The following EPHB6 variants were observed in gnomAD, a reference collection of about 807,000 sequenced individuals.
The protein encoded by EPHB6 is EPH receptor B6.
In EPHB6, 51 loss-of-function variants were observed where a neutral mutation model predicts 107.0. The ratio of observed to expected loss-of-function variants is 0.48; its 90% CI spans 0.38 to 0.60. The LOEUF (loss-of-function observed/expected upper bound fraction) is 0.60. Ranked by LOEUF, EPHB6 falls within the 20% of genes least tolerant of loss-of-function variation. The pLI is 0.00. For synonymous variants in EPHB6, 553 were observed against 549.0 expected (o/e 1.01, Z -0.10); for missense variants, 1,141 against 1,355.5 (o/e 0.84, Z 2.48).
chr7:142,870,932 G>C lies in EPHB6; in HGVS notation c.*28G>C. On this transcript the variant is annotated 3_prime_UTR_variant, in exon 20 of 20. Transcript: ENST00000652003. The stretch of plus-strand genomic sequence containing the variant: ...ATGACGATACCCGTGACTCAGCCCT[G>C]GACACTGGTCCGAGAAGGGACATGT... 1 of 1,597,830 alleles carries C rather than the reference G, an allele frequency of 6.3e-7. No homozygotes were observed. The highest frequency in any genetic ancestry group is 8.5e-7 in the Non-Finnish European group (1 of 1,172,126).
At position 142,867,143 on chromosome 7, in the gene EPHB6, G is replaced by C; in HGVS notation, c.1750+75G>C. The C allele has an allele frequency of 6.5e-7, 1 of 1,539,030 alleles. No homozygotes were observed. Among genetic ancestry groups the C allele is most frequent in the African/African-American group, 1.4e-5 (1 of 73,162 alleles). On this transcript the variant is annotated intron_variant, in intron 11 of 19. Coordinates refer to ENST00000652003, the MANE Select transcript of EPHB6 (RefSeq NM_004445.6). The surrounding 1 kb of genome is among the most constrained non-coding windows in gnomAD (Gnocchi z 5.3). The stretch of plus-strand genomic sequence containing the variant: ...GTGAGGAGAGGCCCAGGGACTGTCC[G>C]GCCTTGAACCCTGGCCCCGTGCTTC...
rs1330330459 is a variant in EPHB6 at position 142,863,212 on chromosome 7, G to A, written c.-16G>A. ...GGTGGTGGCTGGGGCGATGGTGGAC[G>A]CCCTGAAGATGTCCCATGGCTACTG... On this transcript the variant is annotated 5_prime_UTR_variant, in exon 5 of 20. Coordinates refer to ENST00000652003, the MANE Select transcript of EPHB6 (RefSeq NM_004445.6). 1.6e-5 allele frequency: 25 copies of A among 1,612,586 alleles called. No homozygotes were observed. The highest frequency in any genetic ancestry group is 2.2e-5 in the East Asian group (1 of 44,878).
Position 142,866,779 on chromosome 7 carries a change from C to T in EPHB6, c.1588-127C>T. The T allele has an allele frequency of 6.3e-7, 1 of 1,583,264 alleles. No individual in the cohort carries two copies. On this transcript the variant is annotated intron_variant, in intron 10 of 19. Transcript: ENST00000652003. The surrounding 1 kb of genome is among the most constrained non-coding windows in gnomAD (Gnocchi z 5.2). ...AGGCTGAATGGGCAAGGAGAGGTGC[C>T]CAGAAGTGTGCAGCACTGGGCATGT...
At position 142,868,583 on chromosome 7, in the gene EPHB6, C is replaced by T. The variant is rs117493419; in HGVS notation, c.2130C>T (p.Ala710=). The T allele has an allele frequency of 8.0e-5, 129 of 1,613,440 alleles. No individual in the cohort carries two copies. The highest frequency in any genetic ancestry group is 3.3e-4 in the Middle Eastern group (2 of 6,062). Residue 710 remains alanine, a synonymous_variant, in exon 15 of 20, where the codon GCC becomes GCT. Coordinates refer to ENST00000652003, the MANE Select transcript of EPHB6 (RefSeq NM_004445.6). The surrounding 1 kb of genome is among the most constrained non-coding windows in gnomAD (Gnocchi z 4.2). ...VAIQALWAGG[A]ESLQMTFLGR... The stretch of plus-strand genomic sequence containing the variant: ...TCCAGGCCCTGTGGGCCGGGGGCGC[C>T]GAAAGCCTGCAGATGACCTTCCTGG...
Position 142,869,185 on chromosome 7 carries a change from G to T in EPHB6, c.2460+38G>T. 6.2e-7 allele frequency: 1 copy of T among 1,602,130 alleles called. No individual in the cohort carries two copies. Among genetic ancestry groups the T allele is most frequent in the Non-Finnish European group, 8.5e-7 (1 of 1,173,112 alleles). ...CCTTGGGGACACAGCCTGGGGCCTT[G>T]TGGCATGCCCCAGCAGGTGCTGGGG... On this transcript the variant is annotated intron_variant, in intron 16 of 19. Coordinates refer to ENST00000652003, the MANE Select transcript of EPHB6 (RefSeq NM_004445.6). This position sits in a 1 kb window ranked among gnomAD's most constrained non-coding sequence, Gnocchi z 4.5.
At position 142,869,848 on chromosome 7, in the gene EPHB6, C is replaced by T; in HGVS notation, c.2492C>T (p.Pro831Leu). 1 of 1,614,206 alleles carries T rather than the reference C, an allele frequency of 6.2e-7. No homozygotes were observed. Among genetic ancestry groups the T allele is most frequent in the Non-Finnish European group, 8.5e-7 (1 of 1,180,038 alleles). ...AGTTGTTTGCTTCGCTGGGCAGCCC[C>T]AGAGGTCATTGCACATGGAAAGCAT... ...GPSCLLRWAA[P>L]EVIAHGKHTT... The change falls in exon 17 of 20, where the codon CCA becomes CTA. Residue 831 changes from proline (P) to leucine (L), a missense_variant. Pro to Leu is a moderately conservative substitution (Grantham distance 98). This residue lies in a region of EPHB6 where 616 missense variants were observed against 759.3 expected (regional missense o/e 0.81). Coordinates refer to ENST00000652003, the MANE Select transcript of EPHB6 (RefSeq NM_004445.6). This position sits in a 1 kb window ranked among gnomAD's most constrained non-coding sequence, Gnocchi z 4.5.
chr7:142,863,811 C>A, intron 6 of EPHB6, 116 bp downstream of exon 6: 1 of 1,473,932 alleles, frequency 6.8e-7, no homozygotes, highest in Non-Finnish European at 9.5e-7. Context: ...AGGATCCCTC[C>A]CTCTAGAGCA....
chr7:142,857,540 T>G (rs1020253718), intron 1 of EPHB6, among the ~76,000 whole-genome samples: 1 of 152,172 alleles, frequency 6.6e-6, no homozygotes, highest in African/African-American at 2.4e-5. Flanking sequence ...TACTGACCCC[T>G]CCCACACTGA....
chr7:142,857,818 G>A (rs1802674908), intron 1 of EPHB6, among the ~76,000 whole-genome samples: 2 of 152,190 alleles, frequency 1.3e-5, no homozygotes, highest in African/African-American at 4.8e-5. Flanking sequence ...TGTCAGCAGC[G>A]GGACAGTTGG....
intron 1 of EPHB6, among the ~76,000 whole-genome samples, chr7:142,858,882 C>T (rs1191973569): frequency 6.6e-6 from 1 of 152,056 alleles, no homozygotes; most frequent in Admixed American, 6.5e-5. Flanking sequence ...GATCTATTGT[C>T]TCTACTGTAT....
chr7:142,862,574 C>A (rs1434698484), intron 3 of EPHB6, among the ~76,000 whole-genome samples, 182 bp from the exon 4 acceptor site: 1 of 152,122 alleles, frequency 6.6e-6, no homozygotes, highest in Non-Finnish European at 1.5e-5. Context: ...TCCCATCATA[C>A]CCCACAGCCA....
chr7:142,858,611 T>TTTG (rs1252150257), intron 1 of EPHB6, among the ~76,000 whole-genome samples: 20 of 148,804 alleles, frequency 1.3e-4, no homozygotes, highest in Non-Finnish European at 2.8e-4. Flanking sequence ...AATTTTTTTT[T>TTTG]TTTTTTTTGT....
Position 142,868,301 on chromosome 7 carries a change from G to A in EPHB6, c.1979G>A (p.Arg660Gln), listed in dbSNP as rs1563346311. Residue 660 changes from arginine (R) to glutamine (Q), a missense_variant, in exon 14 of 20, where the codon CGA becomes CAA. Physicochemically the swap from Arg to Gln is conservative, Grantham distance 43. Transcript: ENST00000652003. The surrounding 1 kb of genome is among the most constrained non-coding windows in gnomAD (Gnocchi z 4.2). ...TACGAGGACCCCTGTCAGGCCATCC[G>A]AGAACTTGCCCGGGAAGTCGATCCT... ...STYEDPCQAI[R>Q]ELAREVDPAY... The A allele has an allele frequency of 1.1e-5, 18 of 1,614,152 alleles. No homozygotes were observed. The highest frequency in any genetic ancestry group is 1.4e-5 in the Non-Finnish European group (17 of 1,180,016).
Position 142,870,978 on chromosome 7 carries a change from A to G in EPHB6, c.*74A>G. 7.0e-7 allele frequency: 1 copy of G among 1,437,364 alleles called. No homozygotes were observed. Among genetic ancestry groups the G allele is most frequent in the African/African-American group, 1.4e-5 (1 of 70,878 alleles). 89.0% of individuals were successfully genotyped at this position (1,437,364 alleles called of 1,614,324 possible). A position where few individuals can be genotyped will look rare whatever the true frequency, so the allele number is the denominator to read the frequency against. ...CATGTGGGACGTGAGCCGGGCTCCA[A>G]CAGCCTCTGTGAGAGATGCCCCACA... On this transcript the variant is annotated 3_prime_UTR_variant, in exon 20 of 20. Coordinates refer to ENST00000652003, the MANE Select transcript of EPHB6 (RefSeq NM_004445.6).
In EPHB6 at chr7:142,869,965, A is replaced by C. The variant is rs1344011377; in HGVS notation, c.2609A>C (p.Glu870Ala). ...ERPYWDMSEQ[E>A]VLNAIEQEFR... ...CCTTACTGGGACATGAGTGAGCAGG[A>C]GGTGAGCACTGACCTAGACACTGCT... is the stretch of plus-strand genomic sequence containing the variant. Residue 870 changes from glutamate to alanine, a missense_variant and splice_region_variant, in exon 17 of 20, where the codon GAG (glutamate) becomes GCG (alanine). Around this residue, in one of 3 missense-constraint regions of EPHB6, gnomAD observed 616 missense variants for 759.3 expected, o/e 0.81. Coordinates refer to ENST00000652003, the MANE Select transcript of EPHB6 (RefSeq NM_004445.6). This position sits in a 1 kb window ranked among gnomAD's most constrained non-coding sequence, Gnocchi z 4.5. 2 of 1,614,038 alleles carry C rather than the reference A, an allele frequency of 1.2e-6. No individual in the cohort carries two copies. The highest frequency in any genetic ancestry group is 2.7e-5 in the African/African-American group (2 of 74,908).
In EPHB6 at chr7:142,868,881, C is replaced by G; in HGVS notation, c.2287-93C>G. 2 of 1,586,956 alleles carry G rather than the reference C, an allele frequency of 1.3e-6. No individual in the cohort carries two copies. The highest frequency in any genetic ancestry group is 3.5e-5 in the Admixed American group (2 of 57,784). ...CCCAGCCATTTTCTGATTCGACACC[C>G]TCCCGCTCTCATGCTGTTGTCTGCT... On this transcript the variant is annotated intron_variant, in intron 15 of 19. Coordinates refer to ENST00000652003, the MANE Select transcript of EPHB6 (RefSeq NM_004445.6). The surrounding 1 kb of genome is among the most constrained non-coding windows in gnomAD (Gnocchi z 4.2).
chr7:142,869,728 C>A lies in EPHB6; in HGVS notation c.2461-89C>A. ...ATTAAATGAGATGCTTGATGTAAAA[C>A]CCTTGGCATATCTGAGCACATAGTA... On this transcript the variant is annotated intron_variant, in intron 16 of 19. Transcript: ENST00000652003. The surrounding 1 kb of genome is among the most constrained non-coding windows in gnomAD (Gnocchi z 4.5). 2 of 1,459,588 alleles carry A rather than the reference C, an allele frequency of 1.4e-6. No individual in the cohort carries two copies. Among genetic ancestry groups the A allele is most frequent in the Non-Finnish European group, 1.9e-6 (2 of 1,056,140 alleles). 90.4% of individuals were successfully genotyped at this position (1,459,588 alleles called of 1,614,324 possible). A position where few individuals can be genotyped will look rare whatever the true frequency, so the allele number is the denominator to read the frequency against.
At position 142,864,349 on chromosome 7, in the gene EPHB6, A is replaced by G. The variant is rs751729707; in HGVS notation, c.549A>G (p.Gly183=). The change falls in exon 7 of 20, where the codon GGA becomes GGG. Residue 183 remains glycine, a synonymous_variant. Coordinates refer to ENST00000652003, the MANE Select transcript of EPHB6 (RefSeq NM_004445.6). The part of the protein sequence containing the change: ...SSSSSAAWAV[G]PHGAGQRAGL... The stretch of plus-strand genomic sequence containing the variant: ...CTTCCTCTGCAGCGTGGGCTGTGGG[A>G]CCCCACGGGGCTGGGCAGCGGGCTG... 2 of 1,612,780 alleles carry G rather than the reference A, an allele frequency of 1.2e-6. No homozygotes were observed. The highest frequency in any genetic ancestry group is 2.7e-5 in the African/African-American group (2 of 74,742).
At chr7:142,865,709 G>A in intron 8 of EPHB6, 79 bp downstream of exon 8, 1 of 1,560,596 alleles carries the variant, frequency 6.4e-7, no homozygotes, top group Non-Finnish European at 8.7e-7. Context: ...CAACACTGGG[G>A]GCTCTTTGCA....
Sources: allele counts gnomAD v4.1 joint callset (sites outside exome capture counted in the v4.1 genomes callset), GRCh38; gene constraint gnomAD v4.1.1; regional missense constraint gnomAD v4.1.1; non-coding constraint Gnocchi (gnomAD v3.1); transcripts MANE v1.5; gene names NCBI Gene and HGNC (gene_info 2026-07-23, HGNC 2026-07-21).